Variants in ARNT2 observed in about 807,000 individuals in gnomAD.
The protein encoded by ARNT2 is aryl hydrocarbon receptor nuclear translocator 2.
A neutral mutation model predicts 91.7 loss-of-function variants in ARNT2; 36 were observed. The ratio of observed to expected loss-of-function variants is 0.39; its 90% CI spans 0.30 to 0.52. The LOEUF (loss-of-function observed/expected upper bound fraction) is 0.52, where lower values mean the gene tolerates loss of function less well. Ranked by LOEUF, ARNT2 falls within the 20% of genes least tolerant of loss-of-function variation. ARNT2 has a pLI of 0.72. For synonymous variants in ARNT2, 365 were observed against 347.1 expected (o/e 1.05, Z -0.57); for missense variants, 775 against 939.3 (o/e 0.83, Z 2.29).
chr15:80,597,109 C>T lies in ARNT2; in HGVS notation c.*3411C>T, dbSNP rs2141493567. 3.9e-6 allele frequency: 2 copies of T among 517,886 alleles called. No homozygotes were observed. Among genetic ancestry groups the T allele is most frequent in the Non-Finnish European group, 7.7e-6 (2 of 259,178 alleles). The allele number at this position is 517,886 out of a possible 1,614,324, so 32.1% of individuals were successfully genotyped here. A position where few individuals can be genotyped will look rare whatever the true frequency, so the allele number is the denominator to read the frequency against. On this transcript the variant is annotated 3_prime_UTR_variant, in exon 19 of 19. Coordinates refer to ENST00000303329, the MANE Select transcript of ARNT2 (RefSeq NM_014862.4). The stretch of plus-strand genomic sequence containing the variant: ...GGGGAGCTTTACTCTTCCGTGTCAA[C>T]AATGTGACTACATGTTCTCCAGATT...
intron 1 of ARNT2, among the ~76,000 whole-genome samples, chr15:80,410,256 C>T (rs888842715): frequency 6.6e-6 from 1 of 152,184 alleles, no homozygotes; most frequent in African/African-American, 2.4e-5. Context: ...CCAGTTACTT[C>T]CCTGTCCATC....
intron 1 of ARNT2, among the ~76,000 whole-genome samples, chr15:80,420,093 C>G (rs1278863733): frequency 6.6e-6 from 1 of 152,178 alleles, no homozygotes; most frequent in Admixed American, 6.5e-5. Context: ...CATCTCACAC[C>G]AGAACCCACA....
intron 4 of ARNT2, 67 bp downstream of exon 4, chr15:80,470,498 C>T (rs982085333): frequency 3.3e-6 from 5 of 1,533,160 alleles, no homozygotes; most frequent in Middle Eastern, 4.0e-4. Flanking sequence ...ACGAAATAAA[C>T]TACGTGGGGA....
chr15:80,489,453 T>G (rs1286720363), intron 5 of ARNT2, among the ~76,000 whole-genome samples: 1 of 152,240 alleles, frequency 6.6e-6, no homozygotes. Context: ...TCCTTTTGGG[T>G]GATGACATAA....
intron 5 of ARNT2, among the ~76,000 whole-genome samples, chr15:80,480,942 G>A (rs958015780): frequency 5.3e-5 from 8 of 152,116 alleles, no homozygotes; most frequent in Non-Finnish European, 1.2e-4. Context: ...CTTACCTTGC[G>A]ATCAGCCTCT....
chr15:80,441,707 C>T (rs551534304), intron 1 of ARNT2, among the ~76,000 whole-genome samples: 15 of 152,266 alleles, frequency 9.9e-5, no homozygotes, highest in South Asian at 4.1e-4. Context: ...TCAAGTTCCA[C>T]GTTTTTTCCA....
intron 17 of ARNT2, among the ~76,000 whole-genome samples, chr15:80,585,357 C>A (rs997131024): frequency 6.6e-6 from 1 of 152,100 alleles, no homozygotes; most frequent in African/African-American, 2.4e-5. Flanking sequence ...AGTCAGGAGA[C>A]AGAAACCATG....
chr15:80,533,402 T>G (rs928128029), intron 8 of ARNT2, among the ~76,000 whole-genome samples: 1 of 152,118 alleles, frequency 6.6e-6, no homozygotes, highest in Middle Eastern at 3.4e-3. Context: ...GTTGGCAAAT[T>G]TTAAAAGTCA....
chr15:80,506,024 C>T (rs182284572), intron 5 of ARNT2, among the ~76,000 whole-genome samples: 1 of 145,050 alleles, frequency 6.9e-6, no homozygotes, highest in Admixed American at 7.1e-5. Context: ...GAAAGCTCCG[C>T]TTCCCGGGTT....
chr15:80,465,863 C>T (rs1896644790), intron 3 of ARNT2, among the ~76,000 whole-genome samples: 1 of 152,152 alleles, frequency 6.6e-6, no homozygotes, highest in South Asian at 2.1e-4. Context: ...ATCGCACACT[C>T]TCAGCATCCT....
chr15:80,554,891 G>C, intron 10 of ARNT2, 174 bp from the exon 11 acceptor site: 1 of 587,800 alleles, frequency 1.7e-6, no homozygotes, highest in Non-Finnish European at 3.0e-6. Flanking sequence ...CAAGAAGCCA[G>C]TTCTCTGACG....
chr15:80,589,130 C>T lies in ARNT2; in HGVS notation c.1919-2438C>T, dbSNP rs75971085. Among the ~76,000 whole-genome samples, 310 of 152,234 alleles carry T rather than the reference C, an allele frequency of 2.0e-3. 2 individuals are homozygous for T. The highest frequency in any genetic ancestry group is 6.2e-3 in the African/African-American group (256 of 41,516). On this transcript the variant is annotated intron_variant, in intron 17 of 18. Coordinates refer to ENST00000303329, the MANE Select transcript of ARNT2 (RefSeq NM_014862.4). ...GAGATAAGGTCACTTACAGTAAGGA[C>T]CAGGAGGCACGTGAGAAAGAGTAGT... is the stretch of plus-strand genomic sequence containing the variant.
chr15:80,552,667 A>C lies in ARNT2; in HGVS notation c.982A>C (p.Met328Leu). 6.2e-7 allele frequency: 1 copy of C among 1,614,184 alleles called. No individual in the cohort carries two copies. The highest frequency in any genetic ancestry group is 8.5e-7 in the Non-Finnish European group (1 of 1,180,002). ...QVTSSPVCMD[M>L]NGMSVPTEFL... ...GACCAGCTCTCCTGTATGCATGGAC[A>C]TGAATGGGATGTCGGTGCCCACAGA... Residue 328 changes from methionine (M) to leucine (L), a missense_variant, in exon 10 of 19, where the codon ATG (methionine) becomes CTG (leucine). Physicochemically the swap from Met to Leu is conservative, Grantham distance 15. Transcript: ENST00000303329.
rs1893379507 is a variant in ARNT2, at chr15:80,596,626, C to G, written c.*2928C>G. The G allele has an allele frequency of 6.5e-6, 1 of 154,102 alleles. No individual in the cohort carries two copies. Among genetic ancestry groups the G allele is most frequent in the Non-Finnish European group, 1.4e-5 (1 of 69,316 alleles). The allele number at this position is 154,102 out of a possible 1,614,324, so 9.5% of individuals were successfully genotyped here. On this transcript the variant is annotated 3_prime_UTR_variant, in exon 19 of 19. Coordinates refer to ENST00000303329, the MANE Select transcript of ARNT2 (RefSeq NM_014862.4). ...TTCAGCCCATGCCCAGCAGATACCTCTCTGACTGGAGACGGGCTCAAAGCT... is the reference window on the plus strand; with the variant it reads ...TTCAGCCCATGCCCAGCAGATACCTGTCTGACTGGAGACGGGCTCAAAGCT...
At chr15:80,453,130 A>C (rs549104691) in intron 2 of ARNT2, among the ~76,000 whole-genome samples, 1 of 152,218 alleles carries the variant, frequency 6.6e-6, no homozygotes, top group Non-Finnish European at 1.5e-5. Context: ...GGTCACACAC[A>C]CAGCGTGGCA....
intron 1 of ARNT2, among the ~76,000 whole-genome samples, chr15:80,410,573 C>CT (rs1286576313): frequency 6.6e-6 from 1 of 152,154 alleles, no homozygotes; most frequent in East Asian, 1.9e-4. Flanking sequence ...ACCAGGTTCT[C>CT]TAAATGCTTT....
intron 12 of ARNT2, among the ~76,000 whole-genome samples, chr15:80,565,297 G>T (rs1648499048): frequency 6.6e-6 from 1 of 152,190 alleles, no homozygotes; most frequent in Non-Finnish European, 1.5e-5. Flanking sequence ...TAGGAATAGT[G>T]TTGCAATGAA....
chr15:80,509,196 C>T (rs1280651105), intron 6 of ARNT2, among the ~76,000 whole-genome samples: 2 of 152,106 alleles, frequency 1.3e-5, no homozygotes, highest in Admixed American at 1.3e-4. Flanking sequence ...AATCCCAGCA[C>T]TTTGGGAGGC....
chr15:80,429,086 C>T (rs1013356429), intron 1 of ARNT2, among the ~76,000 whole-genome samples: 2 of 152,150 alleles, frequency 1.3e-5, no homozygotes, highest in African/African-American at 2.4e-5. Context: ...TTGAAGTTCC[C>T]GACTGTGATA....
Sources: allele counts gnomAD v4.1 joint callset (sites outside exome capture counted in the v4.1 genomes callset), GRCh38; gene constraint gnomAD v4.1.1; transcripts MANE v1.5; gene names NCBI Gene and HGNC (gene_info 2026-07-23, HGNC 2026-07-21).